Variants in NRIP1 observed in about 807,000 individuals in gnomAD.
NRIP1 encodes the protein nuclear receptor-interacting protein 1.
NRIP1 carries 28 observed loss-of-function variants against 75.0 expected under a neutral mutation model. The ratio of observed to expected loss-of-function variants is 0.37; its 90% CI spans 0.28 to 0.51. The LOEUF (loss-of-function observed/expected upper bound fraction) is 0.51, where lower values mean the gene tolerates loss of function less well. Among genes scored for constraint, NRIP1 ranks in the 20% least tolerant of loss-of-function variants. The pLI is 0.92. For missense variants in NRIP1, 1,435 were observed against 1,343.7 expected (o/e 1.07, Z -1.06); for synonymous variants, 526 against 487.6 (o/e 1.08, Z -1.04).
At chr21:15,017,316 C>T (rs2088259202) in intron 2 of NRIP1, among the ~76,000 whole-genome samples, 1 of 152,082 alleles carries the variant, frequency 6.6e-6, no homozygotes, top group South Asian at 2.1e-4. Context: ...ACTCAACCTC[C>T]CAAGTAGCTG....
At chr21:15,015,464 T>C (rs2088202811) in intron 2 of NRIP1, among the ~76,000 whole-genome samples, 1 of 152,172 alleles carries the variant, frequency 6.6e-6, no homozygotes, top group South Asian at 2.1e-4. Context: ...AGCAATTCCA[T>C]GTCTAAGATT....
At chr21:14,996,408 T>C (rs1213375971) in intron 3 of NRIP1, among the ~76,000 whole-genome samples, 2 of 152,210 alleles carry the variant, frequency 1.3e-5, no homozygotes, top group African/African-American at 4.8e-5. Flanking sequence ...TTCTCTCTTT[T>C]GAGAAAGTTC....
intron 2 of NRIP1, among the ~76,000 whole-genome samples, chr21:15,041,633 TAATAAG>T (rs1010316937): frequency 2.0e-4 from 31 of 152,274 alleles, no homozygotes; most frequent in South Asian, 1.0e-3. Context: ...AGTTTCTTTT[TAATAAG>T]AATAACTATC....
At chr21:15,065,115 C>A (rs937818191), upstream of NRIP1, 1 of 152,846 alleles carries the variant, frequency 6.5e-6, no homozygotes, top group Non-Finnish European at 1.5e-5. Context: ...CCATTCAGCT[C>A]TTCAGCCAAG....
At chr21:15,039,585 C>T (rs548414915) in intron 2 of NRIP1, among the ~76,000 whole-genome samples, 2 of 152,128 alleles carry the variant, frequency 1.3e-5, no homozygotes, top group African/African-American at 4.8e-5. Context: ...TTTAAATATC[C>T]TAAGTAATGA....
rs949348826 is a variant in NRIP1 at position 14,967,349 on chromosome 21, C to T, written c.844G>A (p.Glu282Lys). 6.2e-7 allele frequency: 1 copy of T among 1,614,086 alleles called. No homozygotes were observed. The highest frequency in any genetic ancestry group is 8.5e-7 in the Non-Finnish European group (1 of 1,180,010). The change falls in exon 4 of 4, where the codon GAA becomes AAA. Residue 282 changes from glutamate (E) to lysine (K), a missense_variant. By Grantham distance (56) the Glu-to-Lys change is moderately conservative. Transcript: ENST00000318948. ...GCATTTTGCGTTTTTAAAGCGTGTTCTCGAGAATACTGCTGCAAATGGGCT... is the reference window on the plus strand; with the variant it reads ...GCATTTTGCGTTTTTAAAGCGTGTTTTCGAGAATACTGCTGCAAATGGGCT... ...SEAHLQQYSR[E>K]HALKTQNANQ... is the part of the protein sequence containing the mutation.
At chr21:15,046,767 C>A (rs1257176064) in intron 1 of NRIP1, among the ~76,000 whole-genome samples, 1 of 152,218 alleles carries the variant, frequency 6.6e-6, no homozygotes, top group African/African-American at 2.4e-5. Flanking sequence ...TTACCTAGAT[C>A]TTCTGGAAGC....
intron 2 of NRIP1, among the ~76,000 whole-genome samples, chr21:15,037,955 AG>A (rs1303296318): frequency 3.9e-5 from 6 of 152,190 alleles, no homozygotes; most frequent in African/African-American, 1.4e-4. Context: ...TCTAATAATC[AG>A]AACGTAATAA....
At chr21:15,034,382 T>A (rs1208656736) in intron 2 of NRIP1, among the ~76,000 whole-genome samples, 1 of 152,212 alleles carries the variant, frequency 6.6e-6, no homozygotes, top group Non-Finnish European at 1.5e-5. Flanking sequence ...AAACTTTTTT[T>A]AACCTGGATA....
intron 2 of NRIP1, among the ~76,000 whole-genome samples, chr21:15,031,390 C>G (rs79900851): frequency 2.7e-5 from 3 of 111,306 alleles, no homozygotes; most frequent in African/African-American, 3.8e-5. Context: ...CTGGAAGGCG[C>G]TCGGAGGATC....
chr21:15,044,099 G>A (rs1400544527), intron 1 of NRIP1, among the ~76,000 whole-genome samples: 8 of 152,122 alleles, frequency 5.3e-5, no homozygotes, highest in East Asian at 3.9e-4. Flanking sequence ...GATTACAGGC[G>A]TGAGCCAGCA....
At chr21:15,012,692 C>A (rs2088136183) in intron 3 of NRIP1, among the ~76,000 whole-genome samples, 1 of 152,090 alleles carries the variant, frequency 6.6e-6, no homozygotes, top group Admixed American at 6.5e-5. Flanking sequence ...ACCTCATGAT[C>A]TGCCCACCTT....
chr21:15,005,382 G>A (rs766723568), intron 3 of NRIP1, among the ~76,000 whole-genome samples: 1 of 152,230 alleles, frequency 6.6e-6, no homozygotes, highest in South Asian at 2.1e-4. Context: ...AAGAAAAAGG[G>A]GGGTAAAAAA....
chr21:15,048,180 A>G (rs551191210), intron 1 of NRIP1, among the ~76,000 whole-genome samples: 1 of 152,334 alleles, frequency 6.6e-6, no homozygotes, highest in African/African-American at 2.4e-5. Flanking sequence ...GACACATATA[A>G]TAATATGAAA....
intron 3 of NRIP1, among the ~76,000 whole-genome samples, chr21:14,979,735 T>C (rs945564521): frequency 3.9e-5 from 6 of 152,132 alleles, no homozygotes; most frequent in African/African-American, 1.4e-4. Flanking sequence ...AGGCTTGTCT[T>C]GAACTCCTGA....
intron 3 of NRIP1, among the ~76,000 whole-genome samples, chr21:14,970,076 G>T (rs1399376564): frequency 6.6e-6 from 1 of 152,124 alleles, no homozygotes; most frequent in Non-Finnish European, 1.5e-5. Context: ...CAGGGAGTAG[G>T]GAGGTATCCC....
At chr21:15,030,072 T>A (rs773661887) in intron 2 of NRIP1, among the ~76,000 whole-genome samples, 8 of 152,214 alleles carry the variant, frequency 5.3e-5, no homozygotes, top group Non-Finnish European at 1.0e-4. Flanking sequence ...GAGGCAGGGC[T>A]TAGGCATGGG....
chr21:14,997,582 A>G (rs1269163162), intron 3 of NRIP1, among the ~76,000 whole-genome samples: 1 of 151,962 alleles, frequency 6.6e-6, no homozygotes, highest in Non-Finnish European at 1.5e-5. Flanking sequence ...TCTGTTATTA[A>G]CAGCAGGATA....
At chr21:15,006,266 A>T (rs1404501772) in intron 3 of NRIP1, among the ~76,000 whole-genome samples, 3 of 152,216 alleles carry the variant, frequency 2.0e-5, no homozygotes, top group African/African-American at 4.8e-5. Context: ...ATGACATTTG[A>T]TGTTTTAGCA....
Sources: allele counts gnomAD v4.1 joint callset (sites outside exome capture counted in the v4.1 genomes callset), GRCh38; gene constraint gnomAD v4.1.1; transcripts MANE v1.5; gene names NCBI Gene and HGNC (gene_info 2026-07-23, HGNC 2026-07-21).